The following GRK5 variants were observed in gnomAD, a reference collection of about 807,000 sequenced individuals.
The protein encoded by GRK5 is g protein-coupled receptor kinase GRK5.
GRK5 carries 40 observed loss-of-function variants against 78.4 expected under a neutral mutation model. That is an observed-to-expected ratio of 0.51 (90% confidence interval 0.40 to 0.66). The LOEUF (loss-of-function observed/expected upper bound fraction) is 0.66. Ranked by LOEUF, GRK5 falls within the 30% of genes least tolerant of loss-of-function variation. GRK5 has a pLI of 0.00. For synonymous variants in GRK5, 289 were observed against 296.8 expected (o/e 0.97, Z 0.27); for missense variants, 598 against 759.9 (o/e 0.79, Z 2.50).
At chr10:119,439,214 C>T (rs1271022013) in intron 9 of GRK5, among the ~76,000 whole-genome samples, 1 of 152,258 alleles carries the variant, frequency 6.6e-6, no homozygotes, top group Non-Finnish European at 1.5e-5. Context: ...ATGCCATGCC[C>T]CGTAGCTGTT....
At chr10:119,227,809 G>A (rs967310236) in intron 1 of GRK5, among the ~76,000 whole-genome samples, 2 of 152,204 alleles carry the variant, frequency 1.3e-5, no homozygotes, top group African/African-American at 4.8e-5. Context: ...TTTAAAAAGT[G>A]TGGGTGAATA....
chr10:119,308,672 G>A (rs766525721), intron 1 of GRK5, among the ~76,000 whole-genome samples: 42 of 152,372 alleles, frequency 2.8e-4, no homozygotes, highest in Non-Finnish European at 5.9e-4. Flanking sequence ...CGGTGGGGGA[G>A]CTTTCTTACG....
chr10:119,377,163 AG>A (rs1259427987), intron 2 of GRK5, among the ~76,000 whole-genome samples: 10 of 152,230 alleles, frequency 6.6e-5, no homozygotes, highest in African/African-American at 2.2e-4. Flanking sequence ...GATTGTGGGC[AG>A]GCCCCCTTCC....
At chr10:119,260,900 C>G (rs1469216410) in intron 1 of GRK5, among the ~76,000 whole-genome samples, 5 of 152,064 alleles carry the variant, frequency 3.3e-5, no homozygotes, top group Non-Finnish European at 7.4e-5. Flanking sequence ...CATCATGGCC[C>G]GTTCTCAATG....
At chr10:119,274,225 A>G (rs1849631908) in intron 1 of GRK5, among the ~76,000 whole-genome samples, 1 of 152,150 alleles carries the variant, frequency 6.6e-6, no homozygotes, top group African/African-American at 2.4e-5. Flanking sequence ...CGAGATTAGA[A>G]CACTGACCCG....
intron 1 of GRK5, among the ~76,000 whole-genome samples, chr10:119,322,317 A>G (rs143336754): frequency 7.2e-5 from 11 of 152,246 alleles, no homozygotes; most frequent in African/African-American, 2.2e-4. Flanking sequence ...GCACAGCGCA[A>G]TATTTAACCA....
intron 2 of GRK5, among the ~76,000 whole-genome samples, chr10:119,373,502 T>C (rs1270061577): frequency 6.6e-6 from 1 of 152,226 alleles, no homozygotes; most frequent in Non-Finnish European, 1.5e-5. Context: ...CCTGCCACCA[T>C]GTAAGACGTC....
chr10:119,395,541 C>T lies in GRK5; in HGVS notation c.262-1154C>T, dbSNP rs528218155. ...TACTTTTGGACAGAGGCTGACAAAT[C>T]CTTGGGTGGTGGATTTTGAAATGGT... On this transcript the variant is annotated intron_variant, in intron 3 of 15. Coordinates refer to ENST00000392870, the MANE Select transcript of GRK5 (RefSeq NM_005308.3). Among the ~76,000 whole-genome samples the T allele has an allele frequency of 2.9e-3, 448 of 152,232 alleles. 1 individual carries two copies. Among genetic ancestry groups the T allele is most frequent in the African/African-American group, 0.01 (425 of 41,532 alleles).
chr10:119,409,287 C>A (rs1420301375), intron 4 of GRK5, among the ~76,000 whole-genome samples: 1 of 152,238 alleles, frequency 6.6e-6, no homozygotes, highest in African/African-American at 2.4e-5. Context: ...TCTTTGCCCA[C>A]AGCCTGATTT....
chr10:119,409,719 C>A (rs1278247165), intron 4 of GRK5, among the ~76,000 whole-genome samples: 52 of 152,028 alleles, frequency 3.4e-4, no homozygotes, highest in Non-Finnish European at 6.6e-4. Flanking sequence ...CCCCTGCCCC[C>A]CAACCCCTTT....
chr10:119,410,734 C>G (rs991875662), intron 4 of GRK5, among the ~76,000 whole-genome samples: 1 of 151,990 alleles, frequency 6.6e-6, no homozygotes, highest in Non-Finnish European at 1.5e-5. Context: ...TCATCCAGAG[C>G]TCTAGTCTTG....
At chr10:119,377,836 C>G (rs1230398855) in intron 2 of GRK5, 1 of 154,180 alleles carries the variant, frequency 6.5e-6, no homozygotes, top group African/African-American at 2.4e-5. Context: ...GCATGGTGCT[C>G]TCTCCCATAA....
At position 119,383,501 on chromosome 10, in the gene GRK5, C is replaced by G. The variant is rs1282481257; in HGVS notation, c.261+2574C>G. On this transcript the variant is annotated intron_variant, in intron 3 of 15. Transcript: ENST00000392870. ...AACAGAGGCACTTCCTTTTGATGAC[C>G]ATGTGGTGACCCAGTGGTAAAGTTC... 2.0e-5 allele frequency among the ~76,000 whole-genome samples: 3 copies of G among 152,214 alleles called. No individual in the cohort carries two copies. The South Asian group carries it at 6.2e-4, about 32-fold the overall frequency.
At chr10:119,235,159 T>TTTG in intron 1 of GRK5, among the ~76,000 whole-genome samples, 1 of 147,174 alleles carries the variant, frequency 6.8e-6, no homozygotes, top group East Asian at 2.0e-4. Flanking sequence ...TTTATTTTTT[T>TTTG]TATTTTTGTA....
chr10:119,436,713 T>C lies in GRK5; in HGVS notation c.801T>C (p.Asn267=). Residue 267 remains asparagine (N), a synonymous_variant, in exon 9 of 16, where the codon AAT becomes AAC. Coordinates refer to ENST00000392870, the MANE Select transcript of GRK5 (RefSeq NM_005308.3). The stretch of plus-strand genomic sequence containing the variant: ...TGTGCTTGGTCCTGACCATCATGAA[T>C]GGGGGTGACCTGAAGTTCCACATCT... ...DALCLVLTIM[N]GGDLKFHIYN... 2 of 1,614,190 alleles carry C rather than the reference T, an allele frequency of 1.2e-6. No individual in the cohort carries two copies. The highest frequency in any genetic ancestry group is 1.7e-6 in the Non-Finnish European group (2 of 1,180,020).
chr10:119,281,700 C>T (rs1453775060), intron 1 of GRK5, among the ~76,000 whole-genome samples: 2 of 152,168 alleles, frequency 1.3e-5, no homozygotes, highest in Non-Finnish European at 2.9e-5. Context: ...TTCTCTTGGG[C>T]CCCTGCCCAT....
intron 3 of GRK5, among the ~76,000 whole-genome samples, chr10:119,395,348 C>T (rs1852029636): frequency 6.6e-6 from 1 of 152,232 alleles, no homozygotes; most frequent in African/African-American, 2.4e-5. Context: ...ACTGCGAGTG[C>T]CGCCTGCGTG....
chr10:119,323,496 AG>A, intron 1 of GRK5, among the ~76,000 whole-genome samples: 1 of 152,162 alleles, frequency 6.6e-6, no homozygotes, highest in East Asian at 1.9e-4. Flanking sequence ...ATTTCTTGAG[AG>A]GGTGGCCCTA....
chr10:119,388,474 T>G (rs1261712221), intron 3 of GRK5, among the ~76,000 whole-genome samples: 3 of 152,182 alleles, frequency 2.0e-5, no homozygotes, highest in Non-Finnish European at 4.4e-5. Flanking sequence ...GTAGCTGGGA[T>G]TACAGGTGTG....
Sources: gnomAD v4.1 joint callset for allele counts (sites outside exome capture counted in the v4.1 genomes callset) on GRCh38, gnomAD v4.1.1 for gene constraint, MANE v1.5 for transcripts, NCBI Gene and HGNC (gene_info 2026-07-23, HGNC 2026-07-21) for gene names.